The following NEK10 variants were observed in gnomAD, a reference collection of about 807,000 sequenced individuals.
The protein encoded by NEK10 is serine/threonine-protein kinase Nek10.
Under a neutral mutation model 159.8 loss-of-function variants are expected in NEK10, and 122 were observed. The ratio of observed to expected loss-of-function variants is 0.76; its 90% CI spans 0.66 to 0.89. The LOEUF (loss-of-function observed/expected upper bound fraction) is 0.89. NEK10 is among the 40% of genes least tolerant of loss of function. The probability of loss-of-function intolerance (pLI) is 0.00; values close to 1 mark genes in which losing one functional copy is unlikely to be tolerated. For missense variants in NEK10, 1,342 were observed against 1,323.1 expected (o/e 1.01, Z -0.22); for synonymous variants, 466 against 457.1 (o/e 1.02, Z -0.25).
intron 10 of NEK10, among the ~76,000 whole-genome samples, chr3:27,308,287 C>T (rs2044401998): frequency 6.6e-6 from 1 of 152,166 alleles, no homozygotes; most frequent in Admixed American, 6.6e-5. Flanking sequence ...TCAATGACCT[C>T]CACCTGGTCT....
chr3:27,273,276 G>A lies in NEK10; in HGVS notation c.2014+11326C>T, dbSNP rs7643901. On this transcript the variant is annotated intron_variant, in intron 22 of 35. Coordinates refer to ENST00000691995, the MANE Select transcript of NEK10 (RefSeq NM_001394966.1). ...CCCCTCCAACAAACTACTCATCCTT[G>A]TACAGCACTTGACCATAAGCATCTT... 6.2e-3 allele frequency among the ~76,000 whole-genome samples: 937 copies of A among 152,234 alleles called. 14 individuals are homozygous for A. Among genetic ancestry groups the A allele is most frequent in the African/African-American group, 0.021 (892 of 41,538 alleles).
intron 23 of NEK10, among the ~76,000 whole-genome samples, chr3:27,220,580 G>A (rs1406717353): frequency 6.6e-6 from 1 of 151,888 alleles, no homozygotes; most frequent in Non-Finnish European, 1.5e-5. Flanking sequence ...TTGCGGGGGT[G>A]GGGGGATCAT....
chr3:27,160,000 C>A (rs1435703890), intron 30 of NEK10, among the ~76,000 whole-genome samples: 3 of 151,180 alleles, frequency 2.0e-5, no homozygotes, highest in African/African-American at 7.3e-5. Context: ...AACATTTAGG[C>A]AATACAGGGC....
At chr3:27,281,625 A>C (rs2042167000) in intron 22 of NEK10, among the ~76,000 whole-genome samples, 2 of 152,162 alleles carry the variant, frequency 1.3e-5, no homozygotes, top group Non-Finnish European at 1.5e-5. Flanking sequence ...ACATCCAAAA[A>C]ACATAACGCC....
intron 26 of NEK10, among the ~76,000 whole-genome samples, chr3:27,183,488 T>C (rs1342745136): frequency 6.6e-6 from 1 of 150,520 alleles, no homozygotes; most frequent in African/African-American, 2.4e-5. Flanking sequence ...TACAAAAATA[T>C]AAAGAATCTT....
chr3:27,159,611 A>C (rs1275068635), intron 30 of NEK10, among the ~76,000 whole-genome samples: 1 of 152,114 alleles, frequency 6.6e-6, no homozygotes, highest in Non-Finnish European at 1.5e-5. Flanking sequence ...TGAATTCCTA[A>C]GTTTTCTATT....
At chr3:27,118,649 T>G (rs1940846509) in intron 33 of NEK10, among the ~76,000 whole-genome samples, 1 of 152,210 alleles carries the variant, frequency 6.6e-6, no homozygotes, top group African/African-American at 2.4e-5. Context: ...CTCAGGTTTT[T>G]GAGAGATTTT....
intron 30 of NEK10, among the ~76,000 whole-genome samples, chr3:27,150,310 C>T (rs1449505625): frequency 6.6e-6 from 1 of 152,182 alleles, no homozygotes; most frequent in Non-Finnish European, 1.5e-5. Flanking sequence ...CCTTTTATTG[C>T]AAGTAGAGGC....
In NEK10 at chr3:27,145,927, G is replaced by A. The variant is rs372138861; in HGVS notation, c.2870-4345C>T. Among the ~76,000 whole-genome samples the A allele has an allele frequency of 5.3e-5, 8 of 152,208 alleles. No homozygotes were observed. In the East Asian group the frequency reaches 1.2e-3, roughly 22 times the overall value. On this transcript the variant is annotated intron_variant, in intron 30 of 35. Transcript: ENST00000691995. ...CCATTATAAAAGAGGCCAGAGGGAG[G>A]TGGTCACCCCCTTCTACCATGCAAG...
chr3:27,274,563 A>G (rs1281014003), intron 22 of NEK10, among the ~76,000 whole-genome samples: 1 of 152,124 alleles, frequency 6.6e-6, no homozygotes, highest in Non-Finnish European at 1.5e-5. Context: ...CTAACATTAC[A>G]TAAAAGTGCC....
rs775380351 is a variant in NEK10, at chr3:27,297,250, C to T, written c.1169-10G>A. ...AGGGCAGCACAGCAGGCTGGAATGACAACAATCAAATGCATAGTGTGCATC... is the reference window on the plus strand; with the variant it reads ...AGGGCAGCACAGCAGGCTGGAATGATAACAATCAAATGCATAGTGTGCATC... On this transcript the variant is annotated splice_polypyrimidine_tract_variant and intron_variant, in intron 13 of 35. Transcript: ENST00000691995. 6.2e-7 allele frequency: 1 copy of T among 1,600,894 alleles called. No homozygotes were observed.
chr3:27,355,542 T>G (rs2048273868), intron 1 of NEK10, among the ~76,000 whole-genome samples: 1 of 151,790 alleles, frequency 6.6e-6, no homozygotes, highest in Non-Finnish European at 1.5e-5. Context: ...TTCCTCTACC[T>G]CCCATATTCA....
Position 27,304,738 on chromosome 3 carries a change from T to C in NEK10, c.1028+9A>G, listed in dbSNP as rs2044103091. 1.3e-6 allele frequency: 2 copies of C among 1,597,424 alleles called. No homozygotes were observed. Among genetic ancestry groups the C allele is most frequent in the African/African-American group, 1.3e-5 (1 of 74,620 alleles). On this transcript the variant is annotated intron_variant, in intron 12 of 35. Transcript: ENST00000691995. ...AGGGCAAAGTAGGCCAAAGCCCACT[T>C]TTACTCACCCTTGTAAAATATGAAG...
chr3:27,304,815 C>T lies in NEK10; in HGVS notation c.960G>A (p.Glu320=), dbSNP rs769019797. The change falls in exon 12 of 36, where the codon GAG becomes GAA. Residue 320 remains glutamate, a synonymous_variant. Coordinates refer to ENST00000691995, the MANE Select transcript of NEK10 (RefSeq NM_001394966.1). ...GAATTTCCACGCTGGTCTCAGGGTC[C>T]TCACAAACCTGTACCAGAATCCAGA... ...SIVWILVQVC[E]DPETSVEIRI... 3 of 1,613,922 alleles carry T rather than the reference C, an allele frequency of 1.9e-6. No individual in the cohort carries two copies. Among genetic ancestry groups the T allele is most frequent in the Non-Finnish European group, 2.5e-6 (3 of 1,179,826 alleles).
chr3:27,259,234 T>G (rs1456945301), intron 22 of NEK10, among the ~76,000 whole-genome samples: 3 of 152,238 alleles, frequency 2.0e-5, no homozygotes, highest in African/African-American at 7.2e-5. Flanking sequence ...TAGATTTCAC[T>G]TGTCAATTTT....
intron 30 of NEK10, among the ~76,000 whole-genome samples, chr3:27,155,199 T>C (rs910679212): frequency 6.6e-6 from 1 of 152,090 alleles, no homozygotes; most frequent in South Asian, 2.1e-4. Flanking sequence ...CTTTTCACAA[T>C]AGCTGCAAAA....
chr3:27,366,697 T>C (rs1052367688), intron 1 of NEK10, among the ~76,000 whole-genome samples: 4 of 152,070 alleles, frequency 2.6e-5, no homozygotes, highest in Non-Finnish European at 2.9e-5. Context: ...TCAAGTACTA[T>C]AACAACAGGA....
chr3:27,127,526 TATTAAATA>T (rs1942108129), intron 32 of NEK10, among the ~76,000 whole-genome samples: 1 of 152,168 alleles, frequency 6.6e-6, no homozygotes, highest in Non-Finnish European at 1.5e-5. Flanking sequence ...CATTTTACTG[TATTAAATA>T]CTGTAGGCAA....
intron 23 of NEK10, chr3:27,206,722 G>T: frequency 1.7e-6 from 1 of 576,632 alleles, no homozygotes; most frequent in Non-Finnish European, 2.2e-6. Context: ...TAGGGTTAAA[G>T]CAGTGGACTC....
Sources: allele counts gnomAD v4.1 joint callset (sites outside exome capture counted in the v4.1 genomes callset), GRCh38; gene constraint gnomAD v4.1.1; transcripts MANE v1.5; gene names NCBI Gene and HGNC (gene_info 2026-07-23, HGNC 2026-07-21).